Variants in PHACTR3 observed in about 807,000 individuals in gnomAD.
The protein encoded by PHACTR3 is phosphatase and actin regulator 3, also known as protein phosphatase 1, regulatory subunit 123.
PHACTR3 carries 16 observed loss-of-function variants against 66.8 expected under a neutral mutation model. That is an observed-to-expected ratio of 0.24 (90% confidence interval 0.16 to 0.36). PHACTR3 has a LOEUF of 0.36. PHACTR3 is among the 10% of genes least tolerant of loss of function. The probability of loss-of-function intolerance (pLI) is 1.00; values close to 1 mark genes in which losing one functional copy is unlikely to be tolerated. For synonymous variants in PHACTR3, 323 were observed against 292.1 expected (o/e 1.11, Z -1.08); for missense variants, 647 against 719.9 (o/e 0.90, Z 1.16).
At position 59,840,520 on chromosome 20, in the gene PHACTR3, C is replaced by T. The variant is rs996502728; in HGVS notation, c.1446+90C>T. 4.5e-6 allele frequency: 7 copies of T among 1,555,844 alleles called. No homozygotes were observed. In the African/African-American group the frequency reaches 6.8e-5, roughly 15 times the overall value. On this transcript the variant is annotated intron_variant, in intron 10 of 12. Transcript: ENST00000371015. ...AGGTGGGATGGGTAATGCTAGGTAT[C>T]ACTCTGTGATCATGAATAATGTTCT...
At chr20:59,692,474 G>A (rs533245491) in intron 1 of PHACTR3, among the ~76,000 whole-genome samples, 1 of 152,320 alleles carries the variant, frequency 6.6e-6, no homozygotes, top group East Asian at 1.9e-4. Flanking sequence ...TGGTCTCTGT[G>A]ACCTCAGAGG....
At chr20:59,612,942 G>C (rs1400917766) in intron 1 of PHACTR3, among the ~76,000 whole-genome samples, 2 of 152,136 alleles carry the variant, frequency 1.3e-5, no homozygotes, top group Non-Finnish European at 2.9e-5. Flanking sequence ...GGAAGCAAGA[G>C]AGGGATGAGG....
At chr20:59,618,011 G>A (rs1012670563) in intron 1 of PHACTR3, among the ~76,000 whole-genome samples, 2 of 152,210 alleles carry the variant, frequency 1.3e-5, no homozygotes, top group Non-Finnish European at 2.9e-5. Context: ...GGAGCCCTGC[G>A]GGCTTGTGGA....
intron 8 of PHACTR3, among the ~76,000 whole-genome samples, chr20:59,835,518 T>A (rs2042501578): frequency 1.3e-5 from 2 of 152,194 alleles, no homozygotes; most frequent in South Asian, 2.1e-4. Context: ...ATTATGGCCC[T>A]AAATTCTAGG....
intron 3 of PHACTR3, among the ~76,000 whole-genome samples, chr20:59,754,552 A>G (rs2039716255): frequency 6.6e-6 from 1 of 152,162 alleles, no homozygotes; most frequent in African/African-American, 2.4e-5. Flanking sequence ...ATCAGTAAAC[A>G]CCTGTTTAAT....
At chr20:59,778,845 GA>G (rs1758949824) in intron 7 of PHACTR3, among the ~76,000 whole-genome samples, 1 of 152,142 alleles carries the variant, frequency 6.6e-6, no homozygotes, top group African/African-American at 2.4e-5. Context: ...ATTTGTTCTC[GA>G]AACCCAGTGT....
intron 1 of PHACTR3, among the ~76,000 whole-genome samples, chr20:59,735,785 T>C (rs2038924719): frequency 6.6e-6 from 1 of 152,074 alleles, no homozygotes; most frequent in African/African-American, 2.4e-5. Flanking sequence ...TTTGTTCTCA[T>C]GGGAAATGCA....
intron 1 of PHACTR3, among the ~76,000 whole-genome samples, chr20:59,678,952 G>A (rs2036548174): frequency 6.6e-6 from 1 of 150,800 alleles, no homozygotes; most frequent in East Asian, 2.0e-4. Flanking sequence ...TGAGTTAGCA[G>A]GTCTGGGTGG....
chr20:59,613,143 C>T (rs934102394), intron 1 of PHACTR3, among the ~76,000 whole-genome samples: 19 of 152,230 alleles, frequency 1.2e-4, no homozygotes, highest in Admixed American at 6.5e-4. Flanking sequence ...CAAACCCTAT[C>T]GGATATGATT....
rs559286334 is a variant in PHACTR3 at position 59,820,032 on chromosome 20, C to G, written c.1328+13838C>G. Among the ~76,000 whole-genome samples the G allele has an allele frequency of 6.6e-6, 1 of 152,148 alleles. No individual in the cohort carries two copies. Among genetic ancestry groups the G allele is most frequent in the African/African-American group, 2.4e-5 (1 of 41,420 alleles). ...GACTTTCCCAGCCCTCCAGGGGGACCGTTGCTGGGGCTTCCGGTCTCTCTT... is the reference window on the plus strand; with the variant it reads ...GACTTTCCCAGCCCTCCAGGGGGACGGTTGCTGGGGCTTCCGGTCTCTCTT... On this transcript the variant is annotated intron_variant, in intron 8 of 12. Coordinates refer to ENST00000371015, the MANE Select transcript of PHACTR3 (RefSeq NM_080672.5). The surrounding 1 kb of genome is among the most constrained non-coding windows in gnomAD (Gnocchi z 4.6).
chr20:59,763,843 G>T (rs1254008682), intron 4 of PHACTR3, among the ~76,000 whole-genome samples: 1 of 152,182 alleles, frequency 6.6e-6, no homozygotes, highest in Non-Finnish European at 1.5e-5. Flanking sequence ...GAAGCCAGAG[G>T]GGAAAGTGTT....
rs546733449 is a variant in PHACTR3, at chr20:59,709,932, G to A, written c.119-33175G>A. ...CTTATAGGCTACTTGTAGTGATATG[G>A]GACATGGTCTTTTATGGGGTCATGT... On this transcript the variant is annotated intron_variant, in intron 1 of 12. Transcript: ENST00000371015. Among the ~76,000 whole-genome samples the A allele has an allele frequency of 1.1e-4, 17 of 152,200 alleles. No homozygotes were observed. In the East Asian group the frequency reaches 3.1e-3, roughly 28 times the overall value.
At chr20:59,757,744 G>A (rs2146831753) in intron 4 of PHACTR3, among the ~76,000 whole-genome samples, 1 of 152,330 alleles carries the variant, frequency 6.6e-6, no homozygotes, top group South Asian at 2.1e-4. Context: ...TTGAACCTAG[G>A]AGTTCAAAGT....
At chr20:59,846,192 A>T (rs1381602953) in intron 12 of PHACTR3, among the ~76,000 whole-genome samples, 1 of 152,176 alleles carries the variant, frequency 6.6e-6, no homozygotes, top group Non-Finnish European at 1.5e-5. Flanking sequence ...CTAAAATAAT[A>T]GCTTTAGTTT....
At chr20:59,688,292 T>C (rs553510017) in intron 1 of PHACTR3, among the ~76,000 whole-genome samples, 1 of 152,252 alleles carries the variant, frequency 6.6e-6, no homozygotes, top group Admixed American at 6.5e-5. Context: ...AGAACTCTAG[T>C]GGAAGGCAGG....
At position 59,841,649 on chromosome 20, in the gene PHACTR3, A is replaced by T; in HGVS notation, c.1587+114A>T. ...GGAGCCCTCAACTATTTAAGGGTAT[A>T]CTGCAGTAAATATTGGTTTCTCAAA... is the stretch of plus-strand genomic sequence containing the variant. On this transcript the variant is annotated intron_variant, in intron 11 of 12. Transcript: ENST00000371015. 1.9e-6 allele frequency: 2 copies of T among 1,067,130 alleles called. 1 individual carries two copies. Among genetic ancestry groups the T allele is most frequent in the South Asian group, 4.7e-5 (2 of 42,190 alleles). 66.1% of individuals were successfully genotyped at this position (1,067,130 alleles called of 1,614,324 possible). A position where few individuals can be genotyped will look rare whatever the true frequency, so the allele number is the denominator to read the frequency against.
At position 59,830,390 on chromosome 20, in the gene PHACTR3, G is replaced by A. The variant is rs192059510; in HGVS notation, c.1329-6115G>A. Among the ~76,000 whole-genome samples the A allele has an allele frequency of 7.9e-4, 120 of 152,076 alleles. No homozygotes were observed. Among genetic ancestry groups the A allele is most frequent in the Middle Eastern group, 3.4e-3 (1 of 294 alleles). On this transcript the variant is annotated intron_variant, in intron 8 of 12. Transcript: ENST00000371015. This position sits in a 1 kb window ranked among gnomAD's most constrained non-coding sequence, Gnocchi z 5.8. ...ACGGTGTGAATGTCTGATGGAGAGAGCATGAGTGATGAAGAGGGTGTGAGT... is the reference window on the plus strand; with the variant it reads ...ACGGTGTGAATGTCTGATGGAGAGAACATGAGTGATGAAGAGGGTGTGAGT...
At chr20:59,762,944 G>A (rs1001250294) in intron 4 of PHACTR3, among the ~76,000 whole-genome samples, 2 of 152,204 alleles carry the variant, frequency 1.3e-5, no homozygotes, top group Non-Finnish European at 2.9e-5. Context: ...AGGATGGCGT[G>A]GGGCATCTGG....
intron 1 of PHACTR3, among the ~76,000 whole-genome samples, chr20:59,677,221 T>TA (rs975436280): frequency 2.9e-4 from 44 of 152,326 alleles, no homozygotes; most frequent in African/African-American, 9.6e-4. Context: ...CCAGGTTTTA[T>TA]AAAAATTCAA....
Sources: gnomAD v4.1 joint callset for allele counts (sites outside exome capture counted in the v4.1 genomes callset) on GRCh38, gnomAD v4.1.1 for gene constraint, Gnocchi (gnomAD v3.1) non-coding constraint, MANE v1.5 for transcripts, NCBI Gene and HGNC (gene_info 2026-07-23, HGNC 2026-07-21) for gene names.